The following RPRD1A variants were observed in gnomAD, a reference collection of about 807,000 sequenced individuals.
The protein encoded by RPRD1A is regulation of nuclear pre-mRNA domain-containing protein 1A.
A neutral mutation model predicts 37.8 loss-of-function variants in RPRD1A; 9 were observed. The observed-to-expected ratio is 0.24, with a 90% CI of 0.14 to 0.42. RPRD1A has a LOEUF of 0.42. Ranked by LOEUF, RPRD1A falls within the 10% of genes least tolerant of loss-of-function variation. The pLI is 1.00. For synonymous variants in RPRD1A, 138 were observed against 139.7 expected (o/e 0.99, Z 0.08); for missense variants, 255 against 371.0 (o/e 0.69, Z 2.57).
intron 6 of RPRD1A, chr18:36,026,184 G>T (rs745861522): frequency 6.6e-6 from 1 of 152,356 alleles, no homozygotes; most frequent in Non-Finnish European, 1.5e-5. Context: ...TAAATAAAGG[G>T]ATTCAAATTA....
At chr18:35,999,179 A>G (rs1909272675) in intron 6 of RPRD1A, among the ~76,000 whole-genome samples, 1 of 152,174 alleles carries the variant, frequency 6.6e-6, no homozygotes, top group African/African-American at 2.4e-5. Context: ...CATTACTTGC[A>G]GTGTCCAGCA....
intron 1 of RPRD1A, among the ~76,000 whole-genome samples, chr18:36,034,316 T>A (rs915514786): frequency 1.3e-5 from 2 of 152,210 alleles, no homozygotes; most frequent in Non-Finnish European, 2.9e-5. Context: ...TTTGCCAAGC[T>A]AATAGATTAA....
At chr18:36,051,851 C>T (rs186431454) in intron 1 of RPRD1A, among the ~76,000 whole-genome samples, 34 of 152,008 alleles carry the variant, frequency 2.2e-4, no homozygotes, top group Non-Finnish European at 3.4e-4. Context: ...AAGGGATCTG[C>T]CAGTTAACAA....
At chr18:36,017,241 C>T (rs1322922260) in intron 6 of RPRD1A, among the ~76,000 whole-genome samples, 2 of 152,148 alleles carry the variant, frequency 1.3e-5, no homozygotes, top group African/African-American at 2.4e-5. Flanking sequence ...GTCGAGGGTG[C>T]AGTCAGTCAT....
chr18:36,027,391 C>T, intron 4 of RPRD1A, 81 bp from the exon 5 acceptor site: 3 of 1,466,422 alleles, frequency 2.0e-6, no homozygotes, highest in South Asian at 2.3e-5. Flanking sequence ...TTCTTTCATC[C>T]CTATGGGCTA....
intron 1 of RPRD1A, among the ~76,000 whole-genome samples, chr18:36,048,356 G>A (rs1201187123): frequency 3.3e-5 from 5 of 152,012 alleles, no homozygotes; most frequent in African/African-American, 2.4e-5. Context: ...GTGAGCCACC[G>A]CACCCGGCCA....
At chr18:36,008,577 G>GTGTGTATGTATATATATATATATA in intron 6 of RPRD1A, among the ~76,000 whole-genome samples, 2 of 47,802 alleles carry the variant, frequency 4.2e-5, no homozygotes, top group African/African-American at 6.8e-5. Context: ...CCTTGTGTGT[G>GTGTGTATGTATATATATATATATA]TATATATATA....
At chr18:36,010,314 T>TA (rs1206146368) in intron 6 of RPRD1A, among the ~76,000 whole-genome samples, 1 of 150,636 alleles carries the variant, frequency 6.6e-6, no homozygotes, top group Non-Finnish European at 1.5e-5. Context: ...ATAAAAAAAA[T>TA]AAAAAATAAA....
At chr18:36,038,247 T>C (rs1912337106) in intron 1 of RPRD1A, among the ~76,000 whole-genome samples, 1 of 151,834 alleles carries the variant, frequency 6.6e-6, no homozygotes, top group African/African-American at 2.4e-5. Flanking sequence ...GAGGAAAAAA[T>C]GGTTTCCTGA....
intron 6 of RPRD1A, among the ~76,000 whole-genome samples, chr18:36,005,084 G>A (rs1039349680): frequency 1.3e-5 from 2 of 152,124 alleles, no homozygotes; most frequent in East Asian, 1.9e-4. Context: ...GGTGGATCAC[G>A]AGGTCAGGAG....
chr18:36,051,224 A>T (rs962075932), intron 1 of RPRD1A, among the ~76,000 whole-genome samples: 1 of 152,208 alleles, frequency 6.6e-6, no homozygotes, highest in African/African-American at 2.4e-5. Context: ...GACGTGCGTC[A>T]ATATAGCAAG....
At chr18:35,996,715 C>T (rs767858673) in intron 6 of RPRD1A, among the ~76,000 whole-genome samples, 6 of 152,108 alleles carry the variant, frequency 3.9e-5, no homozygotes, top group Non-Finnish European at 5.9e-5. Flanking sequence ...CAGTGGATCA[C>T]ACCTATAATC....
At chr18:36,001,333 A>T (rs1184851950) in intron 6 of RPRD1A, among the ~76,000 whole-genome samples, 1 of 152,184 alleles carries the variant, frequency 6.6e-6, no homozygotes, top group Non-Finnish European at 1.5e-5. Context: ...ATTTCAAATC[A>T]AGCAGAGAGA....
intron 1 of RPRD1A, among the ~76,000 whole-genome samples, chr18:36,045,854 G>T (rs1912917916): frequency 6.6e-6 from 1 of 152,170 alleles, no homozygotes; most frequent in Non-Finnish European, 1.5e-5. Flanking sequence ...ATGTGACACA[G>T]TCTTCTCAAC....
intron 1 of RPRD1A, among the ~76,000 whole-genome samples, chr18:36,045,133 G>A (rs1483030805): frequency 6.6e-6 from 1 of 151,704 alleles, no homozygotes; most frequent in Non-Finnish European, 1.5e-5. Context: ...CCTGCTACTC[G>A]GGAGGCTGAG....
At chr18:36,023,691 A>G (rs1213597801) in intron 6 of RPRD1A, among the ~76,000 whole-genome samples, 1 of 152,228 alleles carries the variant, frequency 6.6e-6, no homozygotes, top group African/African-American at 2.4e-5. Context: ...AAACTGCCAT[A>G]GCCACATCCT....
intron 4 of RPRD1A, among the ~76,000 whole-genome samples, chr18:36,028,843 A>G (rs1002516515): frequency 6.6e-6 from 1 of 152,238 alleles, no homozygotes; most frequent in Non-Finnish European, 1.5e-5. Context: ...TAAAACAAAG[A>G]GCAACAGCAT....
intron 1 of RPRD1A, among the ~76,000 whole-genome samples, chr18:36,063,565 C>A (rs1460065208): frequency 2.0e-5 from 3 of 152,214 alleles, no homozygotes; most frequent in African/African-American, 7.2e-5. Context: ...ACAAAATGTT[C>A]AACTAATTTT....
At chr18:35,993,437 A>G (rs16967317) in intron 6 of RPRD1A, 137 bp from the exon 7 acceptor site, 184,826 of 790,596 alleles carry the variant, frequency 0.23, 22,631 homozygotes, top group African/African-American at 0.35. Flanking sequence ...GTGAGTTTTC[A>G]CATCAAAAGA....
Sources: gnomAD v4.1 joint callset for allele counts (sites outside exome capture counted in the v4.1 genomes callset) on GRCh38, gnomAD v4.1.1 for gene constraint, MANE v1.5 for transcripts, NCBI Gene and HGNC (gene_info 2026-07-23, HGNC 2026-07-21) for gene names.